The following LY6S variants were observed in gnomAD, a reference collection of about 807,000 sequenced individuals.
LY6S encodes lymphocyte antigen 6 family member S.
the LY6S span, among the ~76,000 whole-genome samples, chr8:143,072,588 T>C: frequency 3.0e-5 from 4 of 133,374 alleles, no homozygotes; most frequent in East Asian, 2.4e-4. Context: ...GTCCTCGGGG[T>C]TCCTGTTTGA....
the LY6S span, chr8:143,057,653 A>T: frequency 7.2e-6 from 7 of 971,928 alleles, no homozygotes; most frequent in Non-Finnish European, 8.4e-6. Flanking sequence ...GTTGAATTCA[A>T]TGTTGAAGAC....
chr8:143,066,061 A>G, the LY6S span: 1 of 392,976 alleles, frequency 2.5e-6, no homozygotes, highest in Non-Finnish European at 4.9e-6. Context: ...AGCTTCACAT[A>G]CAGCTTGGGA....
the LY6S span, chr8:143,057,863 G>A: frequency 1.5e-5 from 10 of 684,110 alleles, no homozygotes; most frequent in Non-Finnish European, 2.4e-5. Context: ...GGGGGCCTGT[G>A]TCGGGTGCCA....
the LY6S span, among the ~76,000 whole-genome samples, chr8:143,058,725 T>C: frequency 6.6e-6 from 1 of 152,272 alleles, no homozygotes; most frequent in Admixed American, 6.5e-5. Context: ...TTTCCCGGTC[T>C]GCTAAGTAGC....
the LY6S span, chr8:143,059,568 G>C: frequency 1.3e-5 from 2 of 152,128 alleles, no homozygotes; most frequent in African/African-American, 4.8e-5. Context: ...CGTCTTGTAG[G>C]TTTATAATAT....
chr8:143,060,444 T>C, the LY6S span, among the ~76,000 whole-genome samples: 1 of 152,244 alleles, frequency 6.6e-6, no homozygotes, highest in African/African-American at 2.4e-5. Context: ...TTAGTGAAAG[T>C]ATTAACGTCT....
the LY6S span, among the ~76,000 whole-genome samples, chr8:143,072,446 T>C: frequency 3.7e-3 from 383 of 104,432 alleles, 14 homozygotes; most frequent in East Asian, 0.021. Context: ...GCCGTCGTCC[T>C]CGGGATTCCT....
chr8:143,060,849 T>A, the LY6S span, among the ~76,000 whole-genome samples: 1 of 152,046 alleles, frequency 6.6e-6, no homozygotes, highest in East Asian at 1.9e-4. Context: ...CTATAGTAAG[T>A]CAAAGATGCA....
chr8:143,046,504 G>C, the LY6S span, among the ~76,000 whole-genome samples: 14 of 151,204 alleles, frequency 9.3e-5, no homozygotes, highest in Non-Finnish European at 3.0e-5. Context: ...CATGAACCCG[G>C]GAGGCAGAGC....
the LY6S span, among the ~76,000 whole-genome samples, chr8:143,073,799 G>C: frequency 8.4e-6 from 1 of 119,098 alleles, no homozygotes; most frequent in African/African-American, 3.2e-5. Flanking sequence ...GGAGACAGCC[G>C]TCGTCCCCGG....
At chr8:143,062,808 AATG>A in the LY6S span, among the ~76,000 whole-genome samples, 69 of 151,994 alleles carry the variant, frequency 4.5e-4, no homozygotes, top group African/African-American at 7.2e-4. Context: ...GGGTATCAGG[AATG>A]ATGATGATGA....
chr8:143,059,174 A>T, the LY6S span, among the ~76,000 whole-genome samples: 3 of 152,158 alleles, frequency 2.0e-5, no homozygotes, highest in Admixed American at 6.5e-5. Flanking sequence ...GATTACAGTC[A>T]TGAGCCACCG....
At chr8:143,053,859 T>A in the LY6S span, 1 of 152,232 alleles carries the variant, frequency 6.6e-6, no homozygotes, top group South Asian at 2.1e-4. Context: ...GCAATCAATC[T>A]CCCGCTCTAT....
the LY6S span, among the ~76,000 whole-genome samples, chr8:143,056,040 T>A: frequency 6.6e-6 from 1 of 151,762 alleles, no homozygotes; most frequent in African/African-American, 2.4e-5. Flanking sequence ...TTGCTATTTA[T>A]GCCAAGGGAG....
At chr8:143,046,577 CAA>C in the LY6S span, among the ~76,000 whole-genome samples, 2,268 of 75,948 alleles carry the variant, frequency 0.03, 51 homozygotes, top group African/African-American at 0.077. Context: ...GACTCCAGCT[CAA>C]AAAAAAAAAA....
At chr8:143,041,202 G>A in the LY6S span, among the ~76,000 whole-genome samples, 3 of 152,160 alleles carry the variant, frequency 2.0e-5, no homozygotes, top group African/African-American at 4.8e-5. Flanking sequence ...TGGGAGCACT[G>A]CGGGAGACTG....
the LY6S span, among the ~76,000 whole-genome samples, chr8:143,064,959 T>C: frequency 1.7e-3 from 260 of 152,304 alleles, 2 homozygotes; most frequent in African/African-American, 6.0e-3. Flanking sequence ...TGAGATGGTG[T>C]GCAGCAAATA....
chr8:143,065,117 G>A, the LY6S span, among the ~76,000 whole-genome samples: 1 of 152,154 alleles, frequency 6.6e-6, no homozygotes, highest in African/African-American at 2.4e-5. Flanking sequence ...TGTTGTCATC[G>A]TGGGAACACT....
chr8:143,058,735 C>G, the LY6S span, among the ~76,000 whole-genome samples: 81 of 145,464 alleles, frequency 5.6e-4, no homozygotes, highest in East Asian at 8.2e-3. Context: ...TGCTAAGTAG[C>G]GGGTGTTTTT....
Sources: allele counts gnomAD v4.1 joint callset (sites outside exome capture counted in the v4.1 genomes callset), GRCh38; gene constraint gnomAD v4.1.1; transcripts MANE v1.5; gene names NCBI Gene and HGNC (gene_info 2026-07-23, HGNC 2026-07-21).